Variants in MTMR3 observed in about 807,000 individuals in gnomAD.
The protein encoded by MTMR3 is myotubularin related protein 3, also known as phosphatidylinositol-3,5-bisphosphate 3-phosphatase MTMR3.
Under a neutral mutation model 132.4 loss-of-function variants are expected in MTMR3, and 32 were observed. That is an observed-to-expected ratio of 0.24 (90% confidence interval 0.18 to 0.32). The LOEUF (loss-of-function observed/expected upper bound fraction) is 0.32, where lower values mean the gene tolerates loss of function less well. Among genes scored for constraint, MTMR3 ranks in the 10% least tolerant of loss-of-function variants. The probability of loss-of-function intolerance (pLI) is 1.00; values close to 1 mark genes in which losing one functional copy is unlikely to be tolerated. For missense variants in MTMR3, 1,216 were observed against 1,489.6 expected, an observed-to-expected ratio of 0.82 and a Z score of 3.02; for synonymous variants, 556 against 550.3, an observed-to-expected ratio of 1.01 and a Z score of -0.14.
At chr22:29,952,604 T>G (rs1203261741) in intron 1 of MTMR3, among the ~76,000 whole-genome samples, 1 of 152,180 alleles carries the variant, frequency 6.6e-6, no homozygotes, top group African/African-American at 2.4e-5. Context: ...AGGAACTTTG[T>G]TTTGTTCATT....
chr22:29,944,115 G>A (rs959320341), intron 1 of MTMR3, among the ~76,000 whole-genome samples: 2 of 151,898 alleles, frequency 1.3e-5, no homozygotes, highest in Admixed American at 6.6e-5. Context: ...CACTGCATCC[G>A]GCCTCCGTGT....
intron 1 of MTMR3, among the ~76,000 whole-genome samples, chr22:29,890,557 C>T (rs1205735894): frequency 2.0e-5 from 3 of 151,802 alleles, no homozygotes; most frequent in Non-Finnish European, 4.4e-5. Context: ...TCAAACGGTA[C>T]GTGTGTTTTA....
At chr22:29,969,845 A>G (rs553843801) in intron 2 of MTMR3, among the ~76,000 whole-genome samples, 1 of 152,262 alleles carries the variant, frequency 6.6e-6, no homozygotes, top group East Asian at 1.9e-4. Context: ...GATTCTTTAG[A>G]GTAAGTCATC....
chr22:29,885,697 C>T (rs555585358), intron 1 of MTMR3, among the ~76,000 whole-genome samples: 3 of 152,094 alleles, frequency 2.0e-5, no homozygotes, highest in Admixed American at 6.6e-5. Flanking sequence ...ATTTGAGACC[C>T]GGGTTGTGAA....
Position 30,007,294 on chromosome 22 carries a change from G to A in MTMR3, c.852G>A (p.Gly284=), listed in dbSNP as rs778676274. 3 of 1,614,018 alleles carry A rather than the reference G, an allele frequency of 1.9e-6. No individual in the cohort carries two copies. Among genetic ancestry groups the A allele is most frequent in the African/African-American group, 2.7e-5 (2 of 74,934 alleles). Reference sequence around the variant, plus strand: ...ACACTTCTCGAGACTTTCCCAATGGGGGAGACCTTTCTGACGTGGAGTTCG... The same window carrying A: ...ACACTTCTCGAGACTTTCCCAATGGAGGAGACCTTTCTGACGTGGAGTTCG... ...TRNTSRDFPN[G]GDLSDVEFDS... Residue 284 remains glycine, a synonymous_variant, in exon 10 of 20, where the codon GGG becomes GGA. Coordinates refer to ENST00000401950, the MANE Select transcript of MTMR3 (RefSeq NM_021090.4).
At chr22:29,883,902 T>G (rs1390647705) in intron 1 of MTMR3, among the ~76,000 whole-genome samples, 1 of 152,102 alleles carries the variant, frequency 6.6e-6, no homozygotes, top group Admixed American at 6.6e-5. Flanking sequence ...CTGGTAGTAC[T>G]TAGGTGGGTA....
intron 1 of MTMR3, among the ~76,000 whole-genome samples, chr22:29,925,992 C>G (rs988088150): frequency 6.6e-6 from 1 of 152,142 alleles, no homozygotes; most frequent in Non-Finnish European, 1.5e-5. Context: ...GTCATAACTG[C>G]TATTTAATTT....
At chr22:30,019,425 A>G in intron 16 of MTMR3, 55 bp from the exon 17 acceptor site, 2 of 1,500,264 alleles carry the variant, frequency 1.3e-6, no homozygotes, top group South Asian at 1.2e-5. Flanking sequence ...ATTGTCTCCT[A>G]CTTCCTCCAA....
intron 19 of MTMR3, chr22:30,023,222 G>A: frequency 1.8e-6 from 1 of 567,954 alleles, no homozygotes; most frequent in Admixed American, 3.1e-5. Context: ...GAGTTTACTA[G>A]GGACCCTTTG....
At chr22:29,981,269 T>C (rs2066737482) in intron 5 of MTMR3, 1 of 152,208 alleles carries the variant, frequency 6.6e-6, no homozygotes, top group African/African-American at 2.4e-5. Flanking sequence ...GGGTTTGAAG[T>C]GGGCATTAGA....
chr22:29,941,552 C>G (rs2065857302), intron 1 of MTMR3, among the ~76,000 whole-genome samples: 1 of 151,748 alleles, frequency 6.6e-6, no homozygotes, highest in Admixed American at 6.5e-5. Flanking sequence ...TACTCGATGT[C>G]CTCACCAACA....
chr22:29,922,436 T>C lies in MTMR3; in HGVS notation c.-137-34600T>C, dbSNP rs9620927. 2.9e-3 allele frequency among the ~76,000 whole-genome samples: 449 copies of C among 152,336 alleles called. 3 individuals carry two copies. The highest frequency in any genetic ancestry group is 0.011 in the African/African-American group (438 of 41,566). On this transcript the variant is annotated intron_variant, in intron 1 of 19. Coordinates refer to ENST00000401950, the MANE Select transcript of MTMR3 (RefSeq NM_021090.4). ...GCTTCTGCTTTTTGGCTGTTGTGAA[T>C]AATTCTCCTATGAATGTTGGTGTAC...
At chr22:30,023,342 A>ACAGTCTC in intron 19 of MTMR3, 1 of 1,031,634 alleles carries the variant, frequency 9.7e-7, no homozygotes, top group African/African-American at 1.6e-5. Flanking sequence ...TGAAAATGGA[A>ACAGTCTC]CAGTCTCTTT....
intron 1 of MTMR3, among the ~76,000 whole-genome samples, chr22:29,932,576 C>A (rs1167125329): frequency 1.3e-5 from 2 of 152,098 alleles, no homozygotes; most frequent in Non-Finnish European, 2.9e-5. Flanking sequence ...ATGCAGCATT[C>A]CTCATGGTCA....
At chr22:29,969,611 A>G (rs1052219917) in intron 2 of MTMR3, among the ~76,000 whole-genome samples, 1 of 151,750 alleles carries the variant, frequency 6.6e-6, no homozygotes, top group East Asian at 1.9e-4. Context: ...GCTCACTGCA[A>G]CCTCTGCCTC....
chr22:29,932,502 G>A (rs1417321967), intron 1 of MTMR3, among the ~76,000 whole-genome samples: 1 of 152,140 alleles, frequency 6.6e-6, no homozygotes, highest in East Asian at 1.9e-4. Flanking sequence ...TGCTGGGAAG[G>A]CACGGAAGTG....
intron 1 of MTMR3, among the ~76,000 whole-genome samples, chr22:29,915,381 G>A (rs912347537): frequency 6.6e-6 from 1 of 152,040 alleles, no homozygotes; most frequent in Non-Finnish European, 1.5e-5. Context: ...CACATAGTTA[G>A]GTCTCGCTTT....
chr22:30,008,844 G>T (rs758381984), intron 11 of MTMR3, 174 bp from the exon 12 acceptor site: 1 of 478,246 alleles, frequency 2.1e-6, no homozygotes, highest in East Asian at 3.3e-5. Context: ...CTAAAATTCA[G>T]TGTGTTCCTC....
chr22:30,023,606 G>A (rs1321723993), intron 19 of MTMR3: 1 of 1,234,822 alleles, frequency 8.1e-7, no homozygotes, highest in East Asian at 2.3e-5. Flanking sequence ...TGGGTGCACA[G>A]GCAGATAGGT....
Sources: allele counts gnomAD v4.1 joint callset (sites outside exome capture counted in the v4.1 genomes callset), GRCh38; gene constraint gnomAD v4.1.1; transcripts MANE v1.5; gene names NCBI Gene and HGNC (gene_info 2026-07-23, HGNC 2026-07-21).